RRP7A: variants seen among roughly 807,000 people sequenced by gnomAD.
RRP7A encodes ribosomal RNA processing 7 homolog A.
Under a neutral mutation model 38.4 loss-of-function variants are expected in RRP7A, and 27 were observed. The observed-to-expected ratio is 0.70, with a 90% CI of 0.52 to 0.97. RRP7A has a LOEUF of 0.97. Among genes scored for constraint, RRP7A ranks in the 50% least tolerant of loss-of-function variants. The probability of loss-of-function intolerance (pLI) is 0.00; values close to 1 mark genes in which losing one functional copy is unlikely to be tolerated. For missense variants in RRP7A, 327 were observed against 375.4 expected (o/e 0.87, Z 1.07); for synonymous variants, 124 against 150.3 (o/e 0.83, Z 1.28).
chr22:42,508,652 C>T lies in RRP7A; in HGVS notation c.*4258G>A, dbSNP rs554240114. ...TGGCAGGGGACAGCGTGAGGTGCAG[C>T]CTATGGACTGGGAAAGGGGTGTGGA... On this transcript the variant is annotated 3_prime_UTR_variant, in exon 7 of 7. Transcript: ENST00000323013. 2.2e-4 allele frequency among the ~76,000 whole-genome samples: 34 copies of T among 152,334 alleles called. No individual in the cohort carries two copies. In the East Asian group the frequency reaches 5.4e-3, roughly 24 times the overall value.
rs1264031376 is a variant in RRP7A at position 42,510,540 on chromosome 22, C to G, written c.*2370G>C. 2.1e-6 allele frequency: 1 copy of G among 478,428 alleles called. No homozygotes were observed. Among genetic ancestry groups the G allele is most frequent in the Non-Finnish European group, 3.7e-6 (1 of 269,472 alleles). The allele number at this position is 478,428 out of a possible 1,614,324, so 29.6% of individuals were successfully genotyped here. Reference sequence around the variant, plus strand: ...GGGGTAGCCCAGGCTTTGGTTTCTCCTCAGAGGCCTGAACCCAGGGCAGGA... The same window carrying G: ...GGGGTAGCCCAGGCTTTGGTTTCTCGTCAGAGGCCTGAACCCAGGGCAGGA... On this transcript the variant is annotated 3_prime_UTR_variant, in exon 7 of 7. Coordinates refer to ENST00000323013, the MANE Select transcript of RRP7A (RefSeq NM_015703.5).
intron 5 of RRP7A, 68 bp from the exon 6 acceptor site, chr22:42,514,372 C>G (rs1397796561): frequency 1.7e-5 from 20 of 1,177,962 alleles, no homozygotes; most frequent in Admixed American, 2.4e-5. Flanking sequence ...CCCTCCACGC[C>G]CTCCTCCCAA....
At position 42,514,753 on chromosome 22, in the gene RRP7A, C is replaced by T; in HGVS notation, c.487G>A (p.Val163Met). 1.2e-6 allele frequency: 2 copies of T among 1,611,534 alleles called. No individual in the cohort carries two copies. The highest frequency in any genetic ancestry group is 1.7e-6 in the Non-Finnish European group (2 of 1,178,784). Residue 163 changes from valine to methionine, a missense_variant, in exon 5 of 7, where the codon GTG (valine) becomes ATG (methionine). This residue lies in a region of RRP7A where 46 missense variants were observed against 93.0 expected (regional missense o/e 0.49). Coordinates refer to ENST00000323013, the MANE Select transcript of RRP7A (RefSeq NM_015703.5). ...ACCCTCAGGGCCTCAGGGTCGGGCA[C>T]AGAGTCTGCGTAGTCACTGATCCAC... ...HKWISDYADS[V>M]PDPEALRVEV... is the part of the protein sequence containing the mutation.
In RRP7A at chr22:42,511,594, G is replaced by A; in HGVS notation, c.*1316C>T. The A allele has an allele frequency of 6.1e-6, 1 of 164,972 alleles. No homozygotes were observed. Among genetic ancestry groups the A allele is most frequent in the Non-Finnish European group, 1.3e-5 (1 of 76,416 alleles). 10.2% of individuals were successfully genotyped at this position (164,972 alleles called of 1,614,324 possible). A position where few individuals can be genotyped will look rare whatever the true frequency, so the allele number is the denominator to read the frequency against. On this transcript the variant is annotated 3_prime_UTR_variant, in exon 7 of 7. Transcript: ENST00000323013. Reference sequence around the variant, plus strand: ...GGGGATGGCCTTTGCCCGGGTTCCTGGGAGCACCTGGTGTTTTATGGTCAC... The same window carrying A: ...GGGGATGGCCTTTGCCCGGGTTCCTAGGAGCACCTGGTGTTTTATGGTCAC...
chr22:42,517,974 C>G (rs766191020), intron 2 of RRP7A, 31 bp downstream of exon 2: 28 of 1,605,538 alleles, frequency 1.7e-5, no homozygotes, highest in African/African-American at 1.7e-4. Context: ...CTTGAGCCCA[C>G]AGGTCTCCTC....
chr22:42,510,871 C>T lies in RRP7A; in HGVS notation c.*2039G>A, dbSNP rs116229100. ...ACCAGGATCTATCAGGCCTCATGCT[C>T]CAGTGATCAGTCCCTAGAGGCCTGG... On this transcript the variant is annotated 3_prime_UTR_variant, in exon 7 of 7. Coordinates refer to ENST00000323013, the MANE Select transcript of RRP7A (RefSeq NM_015703.5). 1,018 of 964,436 alleles carry T rather than the reference C, an allele frequency of 1.1e-3. 10 individuals are homozygous for T. The African/African-American group carries it at 0.016, about 15-fold the overall frequency. 59.7% of individuals were successfully genotyped at this position (964,436 alleles called of 1,614,324 possible).
intron 5 of RRP7A, 124 bp from the exon 6 acceptor site, chr22:42,514,428 C>T (rs1920924963): frequency 3.9e-6 from 3 of 768,450 alleles, no homozygotes; most frequent in Non-Finnish European, 6.2e-6. Context: ...TGCTCCCCTC[C>T]TCCCAGCACA....
Position 42,510,560 on chromosome 22 carries a change from G to A in RRP7A, c.*2350C>T. The A allele has an allele frequency of 1.7e-6, 1 of 571,490 alleles. No individual in the cohort carries two copies. The highest frequency in any genetic ancestry group is 2.9e-5 in the South Asian group (1 of 34,790). 35.4% of individuals were successfully genotyped at this position (571,490 alleles called of 1,614,324 possible). A position where few individuals can be genotyped will look rare whatever the true frequency, so the allele number is the denominator to read the frequency against. On this transcript the variant is annotated 3_prime_UTR_variant, in exon 7 of 7. Coordinates refer to ENST00000323013, the MANE Select transcript of RRP7A (RefSeq NM_015703.5). The stretch of plus-strand genomic sequence containing the variant: ...TTCTCCTCAGAGGCCTGAACCCAGG[G>A]CAGGATGGGGGCACCGCTGGGAGGC...
At chr22:42,517,307 A>AAATG in intron 2 of RRP7A, among the ~76,000 whole-genome samples, 1 of 148,952 alleles carries the variant, frequency 6.7e-6, no homozygotes, top group South Asian at 2.1e-4. Context: ...ATAAATAAAT[A>AAATG]AATAAATCCA....
At position 42,510,824 on chromosome 22, in the gene RRP7A, C is replaced by A; in HGVS notation, c.*2086G>T. 1 of 1,248,900 alleles carries A rather than the reference C, an allele frequency of 8.0e-7. No homozygotes were observed. Among genetic ancestry groups the A allele is most frequent in the Non-Finnish European group, 1.0e-6 (1 of 981,534 alleles). The allele number at this position is 1,248,900 out of a possible 1,614,324, so 77.4% of individuals were successfully genotyped here. A position where few individuals can be genotyped will look rare whatever the true frequency, so the allele number is the denominator to read the frequency against. ...TGCACTGGGAAAGACCCCTGGTCTG[C>A]CCCCAGGCCCAACAAGTGACCACCA... On this transcript the variant is annotated 3_prime_UTR_variant, in exon 7 of 7. Transcript: ENST00000323013.
Position 42,509,721 on chromosome 22 carries a change from G to A in RRP7A, c.*3189C>T, listed in dbSNP as rs1315904691. On this transcript the variant is annotated 3_prime_UTR_variant, in exon 7 of 7. Transcript: ENST00000323013. ...CTTGAAAACATCGCACTAAGTGGAT[G>A]AAGTCAGACACAACCGTCTACGTGT... 1.3e-5 allele frequency among the ~76,000 whole-genome samples: 2 copies of A among 151,792 alleles called. No individual in the cohort carries two copies. The highest frequency in any genetic ancestry group is 4.8e-5 in the African/African-American group (2 of 41,320).
In RRP7A at chr22:42,518,542, C is replaced by T. The variant is rs1201847948; in HGVS notation, c.74-395G>A. 8 of 441,632 alleles carry T rather than the reference C, an allele frequency of 1.8e-5. No homozygotes were observed. In the East Asian group the frequency reaches 5.7e-4, roughly 31 times the overall value. The allele number at this position is 441,632 out of a possible 1,614,324, so 27.4% of individuals were successfully genotyped here. On this transcript the variant is annotated intron_variant, in intron 1 of 6. Coordinates refer to ENST00000323013, the MANE Select transcript of RRP7A (RefSeq NM_015703.5). ...CCCAGCACCTTGGATTCTCTGTTCC[C>T]CCGGGTACACCAGGGCCTCACACAT... is the stretch of plus-strand genomic sequence containing the variant.
At position 42,509,322 on chromosome 22, in the gene RRP7A, C is replaced by G. The variant is rs7289458; in HGVS notation, c.*3588G>C. 6.7e-6 allele frequency among the ~76,000 whole-genome samples: 1 copy of G among 149,868 alleles called. No individual in the cohort carries two copies. The highest frequency in any genetic ancestry group is 1.9e-4 in the East Asian group (1 of 5,188). On this transcript the variant is annotated 3_prime_UTR_variant, in exon 7 of 7. Transcript: ENST00000323013. ...AGGGCTCAGGCAGCAGGGGATGGGC[C>G]GGGGCTGTCCCATGCCTTTCCACAG...
intron 2 of RRP7A, among the ~76,000 whole-genome samples, 165 bp downstream of exon 2, chr22:42,517,827 ACTTTTAAAGACAT>A (rs1920934914): frequency 6.6e-6 from 1 of 152,150 alleles, no homozygotes; most frequent in Admixed American, 6.5e-5. Flanking sequence ...GCAGGATTAT[ACTTTTAAAGACAT>A]CTTTAAAAAG....
chr22:42,514,503 G>A (rs897593025), intron 5 of RRP7A, among the ~76,000 whole-genome samples, 179 bp downstream of exon 5: 1 of 152,118 alleles, frequency 6.6e-6, no homozygotes, highest in African/African-American at 2.4e-5. Flanking sequence ...CTCCACTGTA[G>A]GACATGTGGA....
rs1337268407 is a variant in RRP7A at position 42,511,801 on chromosome 22, A to G, written c.*1109T>C. On this transcript the variant is annotated 3_prime_UTR_variant, in exon 7 of 7. Coordinates refer to ENST00000323013, the MANE Select transcript of RRP7A (RefSeq NM_015703.5). ...TGCAGGCTGCTCACGTCATCTCATT[A>G]TCTTTTCTCACGAGGACTACTTCGG... 5 of 305,836 alleles carry G rather than the reference A, an allele frequency of 1.6e-5. No individual in the cohort carries two copies. The highest frequency in any genetic ancestry group is 1.1e-4 in the African/African-American group (5 of 46,146). 18.9% of individuals were successfully genotyped at this position (305,836 alleles called of 1,614,324 possible). A position where few individuals can be genotyped will look rare whatever the true frequency, so the allele number is the denominator to read the frequency against.
rs1451134411 is a variant in RRP7A at position 42,512,322 on chromosome 22, G to A, written c.*588C>T. ...TCCTGAGCCCCACAACAAGGCCAGG[G>A]ATGGTGGGGACAGGCCTCACTAGTC... On this transcript the variant is annotated 3_prime_UTR_variant, in exon 7 of 7. Transcript: ENST00000323013. The A allele has an allele frequency of 3.2e-5, 39 of 1,201,132 alleles. No homozygotes were observed. Among genetic ancestry groups the A allele is most frequent in the Non-Finnish European group, 4.7e-5 (38 of 815,256 alleles). The allele number at this position is 1,201,132 out of a possible 1,614,324, so 74.4% of individuals were successfully genotyped here. A position where few individuals can be genotyped will look rare whatever the true frequency, so the allele number is the denominator to read the frequency against.
At chr22:42,515,942 T>C in intron 3 of RRP7A, 69 bp downstream of exon 3, 1 of 1,508,916 alleles carries the variant, frequency 6.6e-7, no homozygotes, top group Non-Finnish European at 8.9e-7. Flanking sequence ...CACTGCCAGC[T>C]CCCCCAACAC....
intron 2 of RRP7A, among the ~76,000 whole-genome samples, chr22:42,517,151 G>A (rs1396496242): frequency 6.6e-6 from 1 of 151,884 alleles, no homozygotes; most frequent in African/African-American, 2.4e-5. Flanking sequence ...GGTGGTGGGC[G>A]CCTGTAATTC....
Sources: allele counts gnomAD v4.1 joint callset (sites outside exome capture counted in the v4.1 genomes callset), GRCh38; gene constraint gnomAD v4.1.1; regional missense constraint gnomAD v4.1.1; transcripts MANE v1.5; gene names NCBI Gene and HGNC (gene_info 2026-07-23, HGNC 2026-07-21).